NADSYN1: variants seen among roughly 807,000 people sequenced by gnomAD.
The protein encoded by NADSYN1 is glutamine-dependent NAD(+) synthetase.
In NADSYN1, 80 loss-of-function variants were observed where a neutral mutation model predicts 99.3. That is an observed-to-expected ratio of 0.81 (90% confidence interval 0.67 to 0.97). The LOEUF (loss-of-function observed/expected upper bound fraction) is 0.97. Ranked by LOEUF, NADSYN1 falls within the 50% of genes least tolerant of loss-of-function variation. The pLI, the probability that NADSYN1 is intolerant of heterozygous loss-of-function variation, is 0.00. For synonymous variants in NADSYN1, 385 were observed against 372.1 expected (o/e 1.03, Z -0.40); for missense variants, 859 against 948.5 (o/e 0.91, Z 1.24).
At chr11:71,458,740 C>T (rs113109111) in intron 3 of NADSYN1, 196 bp downstream of exon 3, 11 of 549,430 alleles carry the variant, frequency 2.0e-5, no homozygotes, top group African/African-American at 1.1e-4. Flanking sequence ...AAGGAGGGAG[C>T]TCCTGAAAGC....
chr11:71,472,322 C>T (rs948925465), intron 5 of NADSYN1, 127 bp from the exon 6 acceptor site: 8 of 794,134 alleles, frequency 1.0e-5, no homozygotes, highest in East Asian at 4.9e-5. Flanking sequence ...TTGGGGGGAA[C>T]GCTTGGCAGT....
Position 71,490,951 on chromosome 11 carries a change from C to T in NADSYN1, c.1669C>T (p.Arg557Cys), listed in dbSNP as rs1424082457. 1.1e-5 allele frequency: 17 copies of T among 1,614,082 alleles called. No individual in the cohort carries two copies. Among genetic ancestry groups the T allele is most frequent in the Non-Finnish European group, 1.3e-5 (15 of 1,180,032 alleles). The change falls in exon 17 of 21, where the codon CGC (arginine) becomes TGC (cysteine). Residue 557 changes from arginine to cysteine, a missense_variant. Arg to Cys is a radical substitution (Grantham distance 180, BLOSUM62 -3). Transcript: ENST00000319023. The part of the protein sequence containing the change: ...LRAFVQFCIQ[R>C]FQLPALQSIL... ...GGCCTTCGTCCAGTTCTGCATCCAG[C>T]GCTTCCAGCTTCCTGCCCTGCAGAG... is the stretch of plus-strand genomic sequence containing the variant.
chr11:71,484,919 G>A (rs762142064), intron 15 of NADSYN1: 4 of 193,632 alleles, frequency 2.1e-5, no homozygotes, highest in Admixed American at 1.1e-4. Flanking sequence ...AAACGTGAGT[G>A]CACAGTTGTG....
At chr11:71,487,830 C>CAAAAAAAAAAAAAAAAAAAAAA (rs71049984) in intron 16 of NADSYN1, among the ~76,000 whole-genome samples, 3 of 80,078 alleles carry the variant, frequency 3.7e-5, no homozygotes, top group Non-Finnish European at 4.8e-5. Context: ...GACTCCGTCT[C>CAAAAAAAAAAAAAAAAAAAAAA]AAAAAAAAAA....
chr11:71,471,436 G>A (rs1372716273), intron 5 of NADSYN1, among the ~76,000 whole-genome samples: 2 of 152,248 alleles, frequency 1.3e-5, no homozygotes, highest in East Asian at 3.8e-4. Context: ...GTCCTTGCCT[G>A]CAGAGAGCCA....
Position 71,473,303 on chromosome 11 carries a change from T to C in NADSYN1, c.485T>C (p.Val162Ala), listed in dbSNP as rs770506989. Residue 162 changes from valine to alanine, a missense_variant, in exon 7 of 21, where the codon GTG becomes GCG. Physicochemically the swap from Val to Ala is moderately conservative, Grantham distance 64. Coordinates refer to ENST00000319023, the MANE Select transcript of NADSYN1 (RefSeq NM_018161.5). ...KQETVPFGDAVLVTWDTCIGS... is the reference protein window; with the variant it reads ...KQETVPFGDAALVTWDTCIGS... ...GAAACCGTACCCTTCGGAGATGCGG[T>C]GCTGGTGACATGGGACACCTGCATT... is the stretch of plus-strand genomic sequence containing the variant. The C allele has an allele frequency of 2.5e-6, 4 of 1,614,194 alleles. No homozygotes were observed. The highest frequency in any genetic ancestry group is 1.1e-5 in the South Asian group (1 of 91,090).
chr11:71,461,531 C>T (rs574520219), intron 3 of NADSYN1, among the ~76,000 whole-genome samples: 33 of 152,252 alleles, frequency 2.2e-4, no homozygotes, highest in African/African-American at 6.5e-4. Context: ...CGGGTTCAAG[C>T]GATTCTCCTG....
chr11:71,465,282 G>A (rs1346207949), intron 5 of NADSYN1, among the ~76,000 whole-genome samples: 1 of 152,102 alleles, frequency 6.6e-6, no homozygotes, highest in Admixed American at 6.5e-5. Context: ...CTCCACATCT[G>A]GGGCCCCATA....
At chr11:71,457,814 A>G (rs536652257) in intron 2 of NADSYN1, among the ~76,000 whole-genome samples, 10 of 152,192 alleles carry the variant, frequency 6.6e-5, no homozygotes, top group Admixed American at 5.2e-4. Flanking sequence ...TCTTACAAGG[A>G]CACTTGTCAT....
intron 4 of NADSYN1, 113 bp from the exon 5 acceptor site, chr11:71,463,940 T>C: frequency 1.1e-6 from 1 of 884,992 alleles, no homozygotes; most frequent in East Asian, 2.7e-5. Context: ...CGGGGCCCCA[T>C]TCTCAAGCTG....
chr11:71,466,347 T>TCCCTGTC (rs1484007906), intron 5 of NADSYN1, among the ~76,000 whole-genome samples: 1 of 152,194 alleles, frequency 6.6e-6, no homozygotes, highest in Non-Finnish European at 1.5e-5. Flanking sequence ...ACCACCCCTT[T>TCCCTGTC]CCCTGTCCCC....
chr11:71,462,515 G>A (rs1044042813), intron 3 of NADSYN1, among the ~76,000 whole-genome samples: 2 of 152,182 alleles, frequency 1.3e-5, no homozygotes, highest in African/African-American at 4.8e-5. Flanking sequence ...TCCCTGAAAT[G>A]TGTACAAGCA....
intron 2 of NADSYN1, 38 bp from the exon 3 acceptor site, chr11:71,458,389 GA>G (rs532558269): frequency 6.6e-7 from 1 of 1,523,670 alleles, no homozygotes; most frequent in Non-Finnish European, 9.1e-7. Flanking sequence ...CCGCTCACCT[GA>G]GTTGTTTCTG....
chr11:71,455,094 C>T lies in NADSYN1; in HGVS notation c.86-16C>T. 6.2e-7 allele frequency: 1 copy of T among 1,605,588 alleles called. No homozygotes were observed. The highest frequency in any genetic ancestry group is 1.3e-5 in the African/African-American group (1 of 74,732). On this transcript the variant is annotated splice_polypyrimidine_tract_variant and intron_variant, in intron 1 of 20. Transcript: ENST00000319023. Reference sequence around the variant, plus strand: ...GCTGAAATTGCTCCATTTTCTTTTTCTCTCTGTACTTACAGGTATTGAAAT... The same window carrying T: ...GCTGAAATTGCTCCATTTTCTTTTTTTCTCTGTACTTACAGGTATTGAAAT...
chr11:71,491,532 C>G (rs2120508432), intron 17 of NADSYN1, among the ~76,000 whole-genome samples: 1 of 152,298 alleles, frequency 6.6e-6, no homozygotes, highest in Admixed American at 6.5e-5. Flanking sequence ...CATTGACATT[C>G]CCTACAGCAG....
In NADSYN1 at chr11:71,482,982, C is replaced by T. The variant is rs754343963; in HGVS notation, c.1284C>T (p.Cys428=). The T allele has an allele frequency of 1.5e-5, 24 of 1,612,516 alleles. 1 individual carries two copies. The South Asian group carries it at 2.4e-4, about 16-fold the overall frequency. The change falls in exon 14 of 21, where the codon TGC becomes TGT. Residue 428 remains cysteine (C), a synonymous_variant. Transcript: ENST00000319023. The part of the protein sequence containing the change: ...MASKNSSQET[C]TRARELAQQI... The stretch of plus-strand genomic sequence containing the variant: ...GCAAGAACTCCTCCCAGGAGACGTG[C>T]ACCCGGGCCAGAGAGTTGGCCCAGC...
chr11:71,485,770 A>G, intron 16 of NADSYN1, 122 bp downstream of exon 16: 1 of 707,964 alleles, frequency 1.4e-6, no homozygotes, highest in Non-Finnish European at 2.3e-6. Flanking sequence ...CTGGAATGAC[A>G]TCATTCCTCT....
At chr11:71,480,616 C>T (rs185281397) in intron 10 of NADSYN1, 139 bp from the exon 11 acceptor site, 17 of 1,276,590 alleles carry the variant, frequency 1.3e-5, no homozygotes, top group African/African-American at 2.9e-5. Flanking sequence ...TCGCCATCCT[C>T]GTGGGAGTGA....
At chr11:71,481,865 C>T in intron 12 of NADSYN1, 58 bp from the exon 13 acceptor site, 1 of 1,497,936 alleles carries the variant, frequency 6.7e-7, no homozygotes, top group Non-Finnish European at 9.2e-7. Context: ...CTTGGCTGAT[C>T]CATGGGCATG....
Sources: gnomAD v4.1 joint callset for allele counts (sites outside exome capture counted in the v4.1 genomes callset) on GRCh38, gnomAD v4.1.1 for gene constraint, MANE v1.5 for transcripts, NCBI Gene and HGNC (gene_info 2026-07-23, HGNC 2026-07-21) for gene names.